The following CDCP1 variants were observed in gnomAD, a reference collection of about 807,000 sequenced individuals.
CDCP1 encodes CUB domain containing protein 1, also known as CUB domain-containing protein 1.
CDCP1 carries 29 observed loss-of-function variants against 60.2 expected under a neutral mutation model. The observed-to-expected ratio is 0.48, with a 90% CI of 0.36 to 0.66. The LOEUF is 0.66. CDCP1 is among the 30% of genes least tolerant of loss of function. The pLI is 0.00. For missense variants in CDCP1, 876 were observed against 1,074.3 expected, an observed-to-expected ratio of 0.82 and a Z score of 2.58; for synonymous variants, 387 against 431.1, an observed-to-expected ratio of 0.90 and a Z score of 1.27.
chr3:45,118,365 G>A (rs1698827843), intron 2 of CDCP1, 47 bp downstream of exon 2: 3 of 1,353,472 alleles, frequency 2.2e-6, no homozygotes, highest in African/African-American at 1.4e-5. Context: ...GGGAGGTGTA[G>A]AGACATTTAA....
At position 45,112,271 on chromosome 3, in the gene CDCP1, G is replaced by T. The variant is rs765714473; in HGVS notation, c.467C>A (p.Pro156Gln). 1.2e-6 allele frequency: 2 copies of T among 1,614,172 alleles called. No homozygotes were observed. The highest frequency in any genetic ancestry group is 1.7e-6 in the Non-Finnish European group (2 of 1,180,036). The part of the protein sequence containing the change: ...LRQIGPGESC[P>Q]DGVTHSISGR... ...GCTGATGGAGTGAGTGACTCCGTCTGGGCAGCTCTCACCCGGACCGATCTG... is the reference window on the plus strand; with the variant it reads ...GCTGATGGAGTGAGTGACTCCGTCTTGGCAGCTCTCACCCGGACCGATCTG... Residue 156 changes from proline (P) to glutamine (Q), a missense_variant, in exon 3 of 9, where the codon CCA (proline) becomes CAA (glutamine). Physicochemically the swap from Pro to Gln is moderately conservative, Grantham distance 76 (BLOSUM62 -1). This residue lies in a region of CDCP1 where 726 missense variants were observed against 935.7 expected (regional missense o/e 0.78). Transcript: ENST00000296129.
chr3:45,108,457 A>G (rs1698609627), intron 4 of CDCP1, among the ~76,000 whole-genome samples: 1 of 152,058 alleles, frequency 6.6e-6, no homozygotes, highest in South Asian at 2.1e-4. Flanking sequence ...TAACAATTTG[A>G]TTAGTTTTAG....
chr3:45,094,639 G>A (rs1282603378), intron 5 of CDCP1, among the ~76,000 whole-genome samples: 1 of 138,748 alleles, frequency 7.2e-6, no homozygotes, highest in African/African-American at 2.6e-5. Flanking sequence ...ACGAGTCAAA[G>A]TTCTTGACCT....
chr3:45,119,197 T>TAGAGC (rs1380009901), intron 1 of CDCP1, among the ~76,000 whole-genome samples: 1 of 152,204 alleles, frequency 6.6e-6, no homozygotes, highest in African/African-American at 2.4e-5. Context: ...TTTGGAAAGT[T>TAGAGC]AGAGCAAAAC....
At chr3:45,143,396 A>C (rs2126011326) in intron 1 of CDCP1, among the ~76,000 whole-genome samples, 1 of 152,270 alleles carries the variant, frequency 6.6e-6, no homozygotes, top group South Asian at 2.1e-4. Flanking sequence ...GACCTATTAA[A>C]ATTGATACAA....
At chr3:45,142,405 T>G (rs1576126947) in intron 1 of CDCP1, among the ~76,000 whole-genome samples, 1 of 152,222 alleles carries the variant, frequency 6.6e-6, no homozygotes, top group Non-Finnish European at 1.5e-5. Flanking sequence ...GGTGAGCTAT[T>G]AGTACCATCC....
chr3:45,088,538 G>A (rs1698238202), intron 8 of CDCP1, among the ~76,000 whole-genome samples: 1 of 152,202 alleles, frequency 6.6e-6, no homozygotes, highest in African/African-American at 2.4e-5. Context: ...GAGAGACTGA[G>A]GCAGTTAACT....
chr3:45,141,196 G>A lies in CDCP1; in HGVS notation c.82+5010C>T, dbSNP rs557614864. On this transcript the variant is annotated intron_variant, in intron 1 of 8. Coordinates refer to ENST00000296129, the MANE Select transcript of CDCP1 (RefSeq NM_022842.5). ...AGCCTGGGCAACAGAGTAAGACTCC[G>A]TCTCAAAAAAAAAAAGAATGTCAGG... Among the ~76,000 whole-genome samples, 155 of 143,796 alleles carry A rather than the reference G, an allele frequency of 1.1e-3. 1 individual carries two copies. The highest frequency in any genetic ancestry group is 3.6e-3 in the African/African-American group (145 of 40,028). The allele number at this position is 143,796 out of a possible 152,430, so 94.3% of individuals were successfully genotyped here.
chr3:45,136,729 C>T (rs543462773), intron 1 of CDCP1, among the ~76,000 whole-genome samples: 14 of 152,250 alleles, frequency 9.2e-5, no homozygotes, highest in East Asian at 1.9e-4. Flanking sequence ...TTTTTGAAGA[C>T]GGGGTCTATA....
chr3:45,133,240 G>A (rs1220167779), intron 1 of CDCP1, among the ~76,000 whole-genome samples: 1 of 152,034 alleles, frequency 6.6e-6, no homozygotes, highest in Non-Finnish European at 1.5e-5. Context: ...GCTCAGAAGA[G>A]CACCACAAGC....
chr3:45,088,100 A>G (rs1363990975), intron 8 of CDCP1, among the ~76,000 whole-genome samples: 1 of 152,182 alleles, frequency 6.6e-6, no homozygotes, highest in Non-Finnish European at 1.5e-5. Flanking sequence ...TCTCTCTCCC[A>G]TGACTTTAGT....
chr3:45,110,397 C>T, intron 4 of CDCP1, 76 bp downstream of exon 4: 7 of 1,547,746 alleles, frequency 4.5e-6, no homozygotes, highest in Non-Finnish European at 5.2e-6. Flanking sequence ...AGGAAGGGAG[C>T]CTCACCCAGG....
At chr3:45,105,241 T>G (rs1698542559) in intron 4 of CDCP1, among the ~76,000 whole-genome samples, 1 of 152,158 alleles carries the variant, frequency 6.6e-6, no homozygotes, top group African/African-American at 2.4e-5. Flanking sequence ...GATAGACAAT[T>G]TTTTTTGGAA....
intron 3 of CDCP1, 98 bp downstream of exon 3, chr3:45,111,985 G>A (rs1698701833): frequency 2.8e-6 from 4 of 1,424,258 alleles, no homozygotes; most frequent in South Asian, 1.3e-5. Context: ...TTTATATTGA[G>A]TATTAGAGAT....
chr3:45,122,330 G>A (rs1324349752), intron 1 of CDCP1, among the ~76,000 whole-genome samples: 1 of 151,744 alleles, frequency 6.6e-6, no homozygotes, highest in Non-Finnish European at 1.5e-5. Flanking sequence ...TTTTAGTAGA[G>A]CTGGGGTTTC....
chr3:45,116,551 C>T (rs1006769037), intron 2 of CDCP1, among the ~76,000 whole-genome samples: 1 of 152,210 alleles, frequency 6.6e-6, no homozygotes, highest in African/African-American at 2.4e-5. Context: ...AGATTTCACT[C>T]TGTAATAGCA....
chr3:45,089,148 G>T lies in CDCP1; in HGVS notation c.1994-7C>A, dbSNP rs760494597. On this transcript the variant is annotated splice_region_variant and splice_polypyrimidine_tract_variant and intron_variant, in intron 7 of 8. Transcript: ENST00000296129. ...ATGAGGATGACAGTCAAGTCTGTGA[G>T]CAGAGACATAAAGAGACAGATGAAG... 35 of 1,612,554 alleles carry T rather than the reference G, an allele frequency of 2.2e-5. No homozygotes were observed. The highest frequency in any genetic ancestry group is 2.9e-5 in the Non-Finnish European group (34 of 1,178,826).
At position 45,093,435 on chromosome 3, in the gene CDCP1, C is replaced by T. The variant is rs761288515; in HGVS notation, c.1469G>A (p.Ser490Asn). ...GAAGGAGCCGAAGTACAGGTCCTGG[C>T]TGGGTATGGCACTGGCCACGAGGTA... The part of the protein sequence containing the change: ...FSYLVASAIP[S>N]QDLYFGSFCP... The change falls in exon 6 of 9, where the codon AGC (serine) becomes AAC (asparagine). Residue 490 changes from serine (S) to asparagine (N), a missense_variant. Coordinates refer to ENST00000296129, the MANE Select transcript of CDCP1 (RefSeq NM_022842.5). The T allele has an allele frequency of 1.9e-6, 3 of 1,614,150 alleles. No homozygotes were observed. The highest frequency in any genetic ancestry group is 1.7e-6 in the Non-Finnish European group (2 of 1,180,004).
chr3:45,125,675 T>C (rs1698965865), intron 1 of CDCP1, among the ~76,000 whole-genome samples: 1 of 152,188 alleles, frequency 6.6e-6, no homozygotes. Context: ...GCTCTGAGTC[T>C]AAAGCCTACA....
Sources: allele counts gnomAD v4.1 joint callset (sites outside exome capture counted in the v4.1 genomes callset), GRCh38; gene constraint gnomAD v4.1.1; regional missense constraint gnomAD v4.1.1; transcripts MANE v1.5; gene names NCBI Gene and HGNC (gene_info 2026-07-23, HGNC 2026-07-21).